RBFOX1: variants seen among roughly 807,000 people sequenced by gnomAD.
RBFOX1 encodes the protein RNA binding protein fox-1 homolog 1.
Under a neutral mutation model 57.7 loss-of-function variants are expected in RBFOX1, and 8 were observed. That is an observed-to-expected ratio of 0.14 (90% CI 0.08 to 0.25). The LOEUF (loss-of-function observed/expected upper bound fraction) is 0.25, where lower values mean the gene tolerates loss of function less well. Ranked by LOEUF, RBFOX1 falls within the 10% of genes least tolerant of loss-of-function variation. RBFOX1 has a pLI of 1.00. For synonymous variants in RBFOX1, 326 were observed against 222.4 expected, an observed-to-expected ratio of 1.47 and a Z score of -4.15; for missense variants, 611 against 548.5, an observed-to-expected ratio of 1.11 and a Z score of -1.14.
rs990398806 is a variant in RBFOX1 at position 7,711,311 on chromosome 16, C to G, written c.*566C>G. 2.0e-5 allele frequency: 3 copies of G among 152,334 alleles called. No individual in the cohort carries two copies. Among genetic ancestry groups the G allele is most frequent in the African/African-American group, 7.3e-5 (3 of 41,374 alleles). 9.4% of individuals were successfully genotyped at this position (152,334 alleles called of 1,614,324 possible). ...TCAATGGTTCTAAGTTACTCATTGC[C>G]AGTTCAAGCCAAAGGTCATGTTGTT... is the stretch of plus-strand genomic sequence containing the variant. On this transcript the variant is annotated 3_prime_UTR_variant, in exon 16 of 16. Transcript: ENST00000550418.
chr16:6,286,221 G>A (rs1446235313), intron 1 of RBFOX1, among the ~76,000 whole-genome samples: 1 of 152,036 alleles, frequency 6.6e-6, no homozygotes, highest in Non-Finnish European at 1.5e-5. Flanking sequence ...CCCATCCCTG[G>A]TTTCTTCTCT....
At chr16:6,991,091 C>T (rs1485875337) in intron 3 of RBFOX1, among the ~76,000 whole-genome samples, 1 of 118,714 alleles carries the variant, frequency 8.4e-6, no homozygotes, top group Non-Finnish European at 1.6e-5. Context: ...TGCTTCAGCA[C>T]AGAAGTTCGA....
At chr16:7,215,955 C>T (rs1603282165) in intron 4 of RBFOX1, among the ~76,000 whole-genome samples, 1 of 152,236 alleles carries the variant, frequency 6.6e-6, no homozygotes, top group Middle Eastern at 3.4e-3. Flanking sequence ...GATTTCCTGA[C>T]CTTGTGATCC....
At chr16:5,537,228 G>A (rs958247187) in intron 2 of RBFOX1, among the ~76,000 whole-genome samples, 4 of 152,084 alleles carry the variant, frequency 2.6e-5, no homozygotes, top group African/African-American at 4.8e-5. Context: ...TGTTCAAGGC[G>A]ATCTCAGCTT....
intron 1 of RBFOX1, among the ~76,000 whole-genome samples, chr16:6,050,465 G>A (rs968489445): frequency 1.3e-5 from 2 of 152,056 alleles, no homozygotes; most frequent in Non-Finnish European, 2.9e-5. Flanking sequence ...AATTAGTCTA[G>A]GTCAGATGCA....
chr16:7,570,298 G>A (rs2092641842), intron 5 of RBFOX1, among the ~76,000 whole-genome samples: 1 of 151,964 alleles, frequency 6.6e-6, no homozygotes, highest in Non-Finnish European at 1.5e-5. Context: ...TGTGTGATGA[G>A]TGCATGTATT....
At chr16:6,740,750 T>C (rs2071808841) in intron 3 of RBFOX1, among the ~76,000 whole-genome samples, 1 of 152,202 alleles carries the variant, frequency 6.6e-6, no homozygotes, top group Non-Finnish European at 1.5e-5. Context: ...GCACAGTGTG[T>C]TCATGGATTG....
chr16:6,627,007 G>A (rs910921971), intron 2 of RBFOX1, among the ~76,000 whole-genome samples: 1 of 152,156 alleles, frequency 6.6e-6, no homozygotes, highest in African/African-American at 2.4e-5. Flanking sequence ...GGCACAGAAG[G>A]CTGGGCTATG....
chr16:6,686,030 T>C (rs57977241), intron 3 of RBFOX1, among the ~76,000 whole-genome samples: 7,224 of 152,224 alleles, frequency 0.047, 214 homozygotes, highest in South Asian at 0.07. Context: ...TTGACAAAAA[T>C]GTTATTTGAA....
intron 4 of RBFOX1, among the ~76,000 whole-genome samples, chr16:7,070,152 A>C (rs573278367): frequency 9.2e-5 from 14 of 152,196 alleles, no homozygotes; most frequent in African/African-American, 3.1e-4. Flanking sequence ...TGCATTTCCC[A>C]AAAGTTAAAA....
chr16:7,198,823 C>A (rs995982296), intron 4 of RBFOX1, among the ~76,000 whole-genome samples: 4 of 152,206 alleles, frequency 2.6e-5, no homozygotes, highest in African/African-American at 9.6e-5. Flanking sequence ...ATTTCTGACA[C>A]ATGGACTTTG....
chr16:6,933,314 T>C (rs1018875890), intron 3 of RBFOX1, among the ~76,000 whole-genome samples: 2 of 152,246 alleles, frequency 1.3e-5, no homozygotes, highest in African/African-American at 2.4e-5. Flanking sequence ...GTAACCGACA[T>C]ACTCTTTTCC....
At chr16:7,002,438 G>A (rs192923866) in intron 3 of RBFOX1, among the ~76,000 whole-genome samples, 2 of 152,276 alleles carry the variant, frequency 1.3e-5, no homozygotes, top group East Asian at 1.9e-4. Flanking sequence ...ATTTTCGCTG[G>A]GCGCGATGGC....
intron 4 of RBFOX1, among the ~76,000 whole-genome samples, chr16:5,916,039 C>G (rs533789260): frequency 1.6e-4 from 24 of 152,190 alleles, no homozygotes; most frequent in African/African-American, 5.5e-4. Flanking sequence ...TGCCTGTCCC[C>G]TGGTAGCTAT....
chr16:7,082,122 G>T (rs2153798838), intron 4 of RBFOX1, among the ~76,000 whole-genome samples: 1 of 152,194 alleles, frequency 6.6e-6, no homozygotes, highest in African/African-American at 2.4e-5. Context: ...ATCACTCCTT[G>T]GTATCCTAAT....
chr16:6,335,802 GAAAA>G (rs1330935614), intron 2 of RBFOX1, among the ~76,000 whole-genome samples: 1 of 141,004 alleles, frequency 7.1e-6, no homozygotes, highest in Non-Finnish European at 1.5e-5. Context: ...AAAAAAAAAA[GAAAA>G]GAAAAGAAAA....
At chr16:7,697,106 A>G (rs781569468) in intron 14 of RBFOX1, among the ~76,000 whole-genome samples, 5 of 152,172 alleles carry the variant, frequency 3.3e-5, no homozygotes, top group Non-Finnish European at 7.3e-5. Context: ...ATCAGATAAG[A>G]CTGCTTTGTG....
At chr16:6,708,065 CT>C (rs1407282551) in intron 3 of RBFOX1, among the ~76,000 whole-genome samples, 2 of 152,100 alleles carry the variant, frequency 1.3e-5, no homozygotes, top group Non-Finnish European at 2.9e-5. Flanking sequence ...CCTGGCTTCC[CT>C]TTTGAATGGT....
At chr16:5,703,777 A>T (rs896175981) in intron 3 of RBFOX1, among the ~76,000 whole-genome samples, 10 of 152,184 alleles carry the variant, frequency 6.6e-5, no homozygotes, top group Non-Finnish European at 1.5e-4. Flanking sequence ...ATGTGTATTT[A>T]TGTGTGTGAG....
Sources: gnomAD v4.1 joint callset for allele counts (sites outside exome capture counted in the v4.1 genomes callset) on GRCh38, gnomAD v4.1.1 for gene constraint, MANE v1.5 for transcripts, NCBI Gene and HGNC (gene_info 2026-07-23, HGNC 2026-07-21) for gene names.